Variants in FZR1 observed in about 807,000 individuals in gnomAD.
The protein encoded by FZR1 is fizzy-related protein homolog.
FZR1 carries 11 observed loss-of-function variants against 63.6 expected under a neutral mutation model. The observed-to-expected ratio is 0.17, with a 90% CI of 0.11 to 0.29. The LOEUF (loss-of-function observed/expected upper bound fraction) is 0.29, where lower values mean the gene tolerates loss of function less well. Among genes scored for constraint, FZR1 ranks in the 10% least tolerant of loss-of-function variants. The pLI is 1.00. For missense variants in FZR1, 440 were observed against 687.5 expected (o/e 0.64, Z 4.03); for synonymous variants, 328 against 297.9 (o/e 1.10, Z -1.04).
chr19:3,506,777 C>T (rs115861281), intron 1 of FZR1, among the ~76,000 whole-genome samples: 5,096 of 152,194 alleles, frequency 0.033, 269 homozygotes, highest in South Asian at 0.12. Context: ...TCAGCGTCCA[C>T]CATTCTTTTT....
chr19:3,513,744 A>G (rs944104807), intron 1 of FZR1, among the ~76,000 whole-genome samples: 1 of 151,988 alleles, frequency 6.6e-6, no homozygotes, highest in Non-Finnish European at 1.5e-5. Context: ...TACCTGCTCC[A>G]CGTCCCCTGT....
At position 3,533,776 on chromosome 19, in the gene FZR1, G is replaced by C. The variant is rs967547809; in HGVS notation, c.1347+378G>C. On this transcript the variant is annotated intron_variant, in intron 12 of 13. Coordinates refer to ENST00000441788, the MANE Select transcript of FZR1 (RefSeq NM_016263.4). This position sits in a 1 kb window ranked among gnomAD's most constrained non-coding sequence, Gnocchi z 4.9. ...CGTGGCTGGATGGGGGCCAGGAGGC[G>C]TCCTTGGCCCCACGTGCCCTCACTT... is the stretch of plus-strand genomic sequence containing the variant. 1 of 207,970 alleles carries C rather than the reference G, an allele frequency of 4.8e-6. No individual in the cohort carries two copies. The highest frequency in any genetic ancestry group is 2.3e-5 in the African/African-American group (1 of 42,926). The allele number at this position is 207,970 out of a possible 1,614,324, so 12.9% of individuals were successfully genotyped here.
Position 3,526,318 on chromosome 19 carries a change from G to C in FZR1, c.319G>C (p.Val107Leu). The C allele has an allele frequency of 6.2e-7, 1 of 1,605,532 alleles. No homozygotes were observed. Among genetic ancestry groups the C allele is most frequent in the African/African-American group, 1.3e-5 (1 of 74,804 alleles). ...NELLGAGIEK[V>L]QDPQTEDRRL... is the part of the protein sequence containing the mutation. ...GCTGCTGGGTGCCGGCATCGAGAAG[G>C]TGCAGGACCCGCAGACTGAGGACCG... The change falls in exon 5 of 14, where the codon GTG (valine) becomes CTG (leucine). Residue 107 changes from valine (V) to leucine (L), a missense_variant. Val to Leu is a conservative substitution (Grantham distance 32). Transcript: ENST00000441788. The surrounding 1 kb of genome is among the most constrained non-coding windows in gnomAD (Gnocchi z 5.4).
chr19:3,512,770 G>A (rs1194569524), intron 1 of FZR1, among the ~76,000 whole-genome samples: 3 of 152,106 alleles, frequency 2.0e-5, no homozygotes, highest in Admixed American at 6.5e-5. Flanking sequence ...AATGTGACCC[G>A]AGAGAGCCAT....
intron 2 of FZR1, among the ~76,000 whole-genome samples, chr19:3,524,645 T>C (rs964525929): frequency 3.3e-5 from 5 of 152,038 alleles, no homozygotes; most frequent in African/African-American, 9.6e-5. Context: ...GCAGAACCTC[T>C]CCCAGTCCTG....
In FZR1 at chr19:3,518,077, C is replaced by T. The variant is rs191770839; in HGVS notation, c.-34-4879C>T. 1.3e-4 allele frequency among the ~76,000 whole-genome samples: 20 copies of T among 149,728 alleles called. No homozygotes were observed. The East Asian group carries it at 3.6e-3, about 27-fold the overall frequency. ...TCACCCAGGCTGGAGTGCAGTGGCA[C>T]GATCTCTGCTCACTGCAACCTCCGC... is the stretch of plus-strand genomic sequence containing the variant. On this transcript the variant is annotated intron_variant, in intron 1 of 13. Transcript: ENST00000441788.
chr19:3,517,476 C>G (rs1039469994), intron 1 of FZR1, among the ~76,000 whole-genome samples: 5 of 152,104 alleles, frequency 3.3e-5, no homozygotes, highest in Non-Finnish European at 7.4e-5. Context: ...CACCTGAGGT[C>G]AGGAGTTCAA....
At chr19:3,527,474 G>T (rs531670489) in intron 6 of FZR1, among the ~76,000 whole-genome samples, 157 bp from the exon 7 acceptor site, 2 of 152,334 alleles carry the variant, frequency 1.3e-5, no homozygotes, top group Non-Finnish European at 2.9e-5. Flanking sequence ...GAAGGCCTGT[G>T]GGGCTGTCCC....
At position 3,525,432 on chromosome 19, in the gene FZR1, C is replaced by CTTTTTTTTTTTTTTT. The variant is rs57486013; in HGVS notation, c.70-422_70-408dup. Among the ~76,000 whole-genome samples, 7 of 68,742 alleles carry CTTTTTTTTTTTTTTT rather than the reference C, an allele frequency of 1.0e-4. No homozygotes were observed. Among genetic ancestry groups the CTTTTTTTTTTTTTTT allele is most frequent in the African/African-American group, 4.2e-4 (7 of 16,546 alleles). The allele number at this position is 68,742 out of a possible 152,430, so 45.1% of individuals were successfully genotyped here. A position where few individuals can be genotyped will look rare whatever the true frequency, so the allele number is the denominator to read the frequency against. On this transcript the variant is annotated intron_variant, in intron 2 of 13. Coordinates refer to ENST00000441788, the MANE Select transcript of FZR1 (RefSeq NM_016263.4). The surrounding 1 kb of genome is among the most constrained non-coding windows in gnomAD (Gnocchi z 4.2). Reference sequence around the variant, plus strand: ...TGTGTGGCTCCCCTCCTTGGGTTTTCTTTTTTTTTTTTTTTTTTTTTTTTT... The same window carrying CTTTTTTTTTTTTTTT: ...TGTGTGGCTCCCCTCCTTGGGTTTTCTTTTTTTTTTTTTTTTTTTTTTTTTTTTTTTTTTTTTTTT...
In FZR1 at chr19:3,525,482, G is replaced by A. The variant is rs573853889; in HGVS notation, c.70-386G>A. Among the ~76,000 whole-genome samples the A allele has an allele frequency of 9.3e-5, 11 of 118,398 alleles. No individual in the cohort carries two copies. The highest frequency in any genetic ancestry group is 3.6e-4 in the African/African-American group (11 of 30,212). The allele number at this position is 118,398 out of a possible 152,430, so 77.7% of individuals were successfully genotyped here. A position where few individuals can be genotyped will look rare whatever the true frequency, so the allele number is the denominator to read the frequency against. On this transcript the variant is annotated intron_variant, in intron 2 of 13. Coordinates refer to ENST00000441788, the MANE Select transcript of FZR1 (RefSeq NM_016263.4). This position sits in a 1 kb window ranked among gnomAD's most constrained non-coding sequence, Gnocchi z 4.2. Reference sequence around the variant, plus strand: ...TTTTGAGACGGAGTCTCGCTCTGTCGCCCAGGCTGGAGTGCAGTGGCACAA... The same window carrying A: ...TTTTGAGACGGAGTCTCGCTCTGTCACCCAGGCTGGAGTGCAGTGGCACAA...
Position 3,525,466 on chromosome 19 carries a change from G to A in FZR1, c.70-402G>A, listed in dbSNP as rs1344129640. Among the ~76,000 whole-genome samples the A allele has an allele frequency of 4.7e-5, 5 of 105,292 alleles. No individual in the cohort carries two copies. The highest frequency in any genetic ancestry group is 8.7e-5 in the African/African-American group (2 of 22,884). 69.1% of individuals were successfully genotyped at this position (105,292 alleles called of 152,430 possible). A position where few individuals can be genotyped will look rare whatever the true frequency, so the allele number is the denominator to read the frequency against. On this transcript the variant is annotated intron_variant, in intron 2 of 13. Coordinates refer to ENST00000441788, the MANE Select transcript of FZR1 (RefSeq NM_016263.4). The surrounding 1 kb of genome is among the most constrained non-coding windows in gnomAD (Gnocchi z 4.2). ...TTTTTTTTTTTTTTTTTTTTGAGAC[G>A]GAGTCTCGCTCTGTCGCCCAGGCTG... is the stretch of plus-strand genomic sequence containing the variant.
intron 1 of FZR1, among the ~76,000 whole-genome samples, chr19:3,521,506 CT>C (rs60474623): frequency 1.3e-3 from 182 of 143,594 alleles, no homozygotes; most frequent in Non-Finnish European, 1.3e-3. Flanking sequence ...GAACTGTACG[CT>C]TTTTTTTTTT....
chr19:3,521,095 G>A (rs188078105), intron 1 of FZR1, among the ~76,000 whole-genome samples: 12 of 152,312 alleles, frequency 7.9e-5, no homozygotes, highest in Non-Finnish European at 1.5e-4. Context: ...GCGCTGGTTC[G>A]TCCCTCACCT....
intron 13 of FZR1, 65 bp from the exon 14 acceptor site, chr19:3,534,730 C>T: frequency 6.2e-6 from 9 of 1,451,414 alleles, no homozygotes; most frequent in Non-Finnish European, 8.7e-6. Context: ...GCCTTGGGGA[C>T]CCTCCAGGCA....
Position 3,526,468 on chromosome 19 carries a change from C to T in FZR1, c.387+82C>T. ...CCCCACCTCCCAGGCACCAGCTCTG[C>T]CTCCCCGAGCCCGGTTCTCGGGCCC... is the stretch of plus-strand genomic sequence containing the variant. On this transcript the variant is annotated intron_variant, in intron 5 of 13. Coordinates refer to ENST00000441788, the MANE Select transcript of FZR1 (RefSeq NM_016263.4). The surrounding 1 kb of genome is among the most constrained non-coding windows in gnomAD (Gnocchi z 5.4). 8.6e-7 allele frequency: 1 copy of T among 1,164,150 alleles called. No individual in the cohort carries two copies. The highest frequency in any genetic ancestry group is 1.5e-5 in the African/African-American group (1 of 65,982). The allele number at this position is 1,164,150 out of a possible 1,614,324, so 72.1% of individuals were successfully genotyped here. A position where few individuals can be genotyped will look rare whatever the true frequency, so the allele number is the denominator to read the frequency against.
chr19:3,530,044 G>GGATGGGAGAGCA (rs1389609425), intron 7 of FZR1, among the ~76,000 whole-genome samples: 1 of 126,434 alleles, frequency 7.9e-6, no homozygotes, highest in Admixed American at 7.8e-5. Context: ...ATGGGTGAGC[G>GGATGGGAGAGCA]GATGGGAGAG....
chr19:3,523,544 C>G (rs1269267295), intron 2 of FZR1, among the ~76,000 whole-genome samples: 2 of 152,234 alleles, frequency 1.3e-5, no homozygotes, highest in Non-Finnish European at 2.9e-5. Flanking sequence ...AGCCACATCC[C>G]TCACCTGCTT....
intron 1 of FZR1, among the ~76,000 whole-genome samples, chr19:3,517,154 C>T (rs1430775155): frequency 1.3e-5 from 2 of 152,092 alleles, no homozygotes; most frequent in African/African-American, 4.8e-5. Flanking sequence ...CTCTGGGAGG[C>T]AGAGGCAGGC....
intron 1 of FZR1, among the ~76,000 whole-genome samples, chr19:3,509,083 C>T (rs1251738107): frequency 6.6e-6 from 1 of 152,260 alleles, no homozygotes; most frequent in African/African-American, 2.4e-5. Flanking sequence ...CAGTGACCTG[C>T]TCGTCAACTC....
Sources: allele counts gnomAD v4.1 joint callset (sites outside exome capture counted in the v4.1 genomes callset), GRCh38; gene constraint gnomAD v4.1.1; non-coding constraint Gnocchi (gnomAD v3.1); transcripts MANE v1.5; gene names NCBI Gene and HGNC (gene_info 2026-07-23, HGNC 2026-07-21).